The following ZNF701 variants were observed in gnomAD, a reference collection of about 807,000 sequenced individuals.
ZNF701 encodes the protein zinc finger protein 701.
In ZNF701, 6 loss-of-function variants were observed where a neutral mutation model predicts 7.1. The ratio of observed to expected loss-of-function variants is 0.84; its 90% confidence interval spans 0.46 to 1.66. The LOEUF (loss-of-function observed/expected upper bound fraction) is 1.66. Ranked by LOEUF, ZNF701 falls within the 40% of genes most tolerant of loss-of-function variation. The pLI, the probability that ZNF701 is intolerant of heterozygous loss-of-function variation, is 0.01. For missense variants in ZNF701, 541 were observed against 559.2 expected, an observed-to-expected ratio of 0.97 and a Z score of 0.33; for synonymous variants, 166 against 188.2, an observed-to-expected ratio of 0.88 and a Z score of 0.97.
At chr19:52,598,236 G>T in the ZNF701 span, 1 of 152,334 alleles carries the variant, frequency 6.6e-6, no homozygotes, top group Admixed American at 6.5e-5. Context: ...GAGCCACCGC[G>T]CCCGGCCCCT....
At chr19:52,574,727 T>G (rs1353247086) in intron 2 of ZNF701, among the ~76,000 whole-genome samples, 1 of 152,196 alleles carries the variant, frequency 6.6e-6, no homozygotes, top group Non-Finnish European at 1.5e-5. Context: ...CATCCTTATT[T>G]AAAGAATATG....
Position 52,582,378 on chromosome 19 carries a change from A to G in ZNF701, c.319A>G (p.Asn107Asp), listed in dbSNP as rs548227610. 3 of 1,613,838 alleles carry G rather than the reference A, an allele frequency of 1.9e-6. No individual in the cohort carries two copies. The highest frequency in any genetic ancestry group is 2.2e-5 in the East Asian group (1 of 44,884). The part of the protein sequence containing the change: ...FVFQWQENET[N>D]GHEALMTKTK... ...GTTTCAGTGGCAAGAAAATGAAACA[A>G]ATGGCCATGAAGCACTCATGACAAA... Residue 107 changes from asparagine (N) to aspartate (D), a missense_variant, in exon 4 of 4, where the codon AAT becomes GAT. Transcript: ENST00000391785.
intron 2 of ZNF701, among the ~76,000 whole-genome samples, chr19:52,575,443 TA>T (rs1189225096): frequency 1.4e-5 from 2 of 141,550 alleles, no homozygotes; most frequent in African/African-American, 3.0e-5. Flanking sequence ...GTGTAGGTTT[TA>T]TTTTTTTTTT....
In ZNF701 at chr19:52,582,826, G is replaced by A. The variant is rs754915892; in HGVS notation, c.767G>A (p.Arg256Gln). The change falls in exon 4 of 4, where the codon CGA becomes CAA. Residue 256 changes from arginine to glutamine, a missense_variant. Arg to Gln is a conservative substitution (Grantham distance 43). Transcript: ENST00000391785. ...TGCGGCAAGGACTTTCATCAGAAGC[G>A]ATACCTTGCATGCCATAGATGTCAC... Reference protein sequence around the residue: ...DVCGKDFHQKRYLACHRCHTG... With the variant: ...DVCGKDFHQKQYLACHRCHTG... 1.1e-5 allele frequency: 18 copies of A among 1,614,130 alleles called. No individual in the cohort carries two copies. Among genetic ancestry groups the A allele is most frequent in the Admixed American group, 3.3e-5 (2 of 60,002 alleles).
the ZNF701 span, chr19:52,597,096 A>C: frequency 9.0e-7 from 1 of 1,114,744 alleles, no homozygotes; most frequent in Non-Finnish European, 1.3e-6. Context: ...TTACAAGTGT[A>C]ATAAATGTGG....
At chr19:52,595,197 C>T in the ZNF701 span, among the ~76,000 whole-genome samples, 2 of 151,748 alleles carry the variant, frequency 1.3e-5, no homozygotes, top group Non-Finnish European at 2.9e-5. Flanking sequence ...TTGAAGATCA[C>T]TTTTGGGACG....
the ZNF701 span, chr19:52,597,798 A>T: frequency 2.4e-3 from 444 of 184,256 alleles, 4 homozygotes; most frequent in African/African-American, 9.9e-3. Flanking sequence ...TTTGAAGGGC[A>T]GGGTCTCGAG....
chr19:52,572,665 C>A, intron 1 of ZNF701: 1 of 350,416 alleles, frequency 2.9e-6, no homozygotes, highest in Non-Finnish European at 5.5e-6. Flanking sequence ...ACAGCTAAAT[C>A]TAAAGCAGAT....
In ZNF701 at chr19:52,583,296, A is replaced by G. The variant is rs765592872; in HGVS notation, c.1237A>G (p.Asn413Asp). The G allele has an allele frequency of 3.1e-6, 5 of 1,613,874 alleles. No individual in the cohort carries two copies. Among genetic ancestry groups the G allele is most frequent in the Admixed American group, 3.3e-5 (2 of 60,008 alleles). The change falls in exon 4 of 4, where the codon AAT (asparagine) becomes GAT (aspartate). Residue 413 changes from asparagine (N) to aspartate (D), a missense_variant. Transcript: ENST00000391785. ...TACTGGAGAGAAACGTTACAAGTGT[A>G]ATGAATGTGGCAAGGTTTTTAATCA... Reference protein sequence around the residue: ...IHTGEKRYKCNECGKVFNHKS... With the variant: ...IHTGEKRYKCDECGKVFNHKS...
At chr19:52,578,948 C>T (rs919136566) in intron 3 of ZNF701, among the ~76,000 whole-genome samples, 3 of 150,128 alleles carry the variant, frequency 2.0e-5, no homozygotes, top group East Asian at 2.0e-4. Context: ...TTATTAGAGA[C>T]AGGGTTTCAC....
chr19:52,594,688 T>A, the ZNF701 span, among the ~76,000 whole-genome samples: 215 of 152,122 alleles, frequency 1.4e-3, no homozygotes, highest in Non-Finnish European at 2.4e-3. Flanking sequence ...TATTTCTGTA[T>A]TTTTAATAGA....
At chr19:52,578,812 C>T (rs867502550) in intron 3 of ZNF701, among the ~76,000 whole-genome samples, 45 of 152,284 alleles carry the variant, frequency 3.0e-4, no homozygotes, top group South Asian at 2.1e-4. Context: ...GGCTGGAGTG[C>T]AGTGGTGCGA....
At chr19:52,571,400 A>G (rs925815608) in intron 1 of ZNF701, among the ~76,000 whole-genome samples, 4 of 152,244 alleles carry the variant, frequency 2.6e-5, no homozygotes, top group South Asian at 2.1e-4. Context: ...AGAATTTAAC[A>G]GGGAGAGCGG....
the ZNF701 span, among the ~76,000 whole-genome samples, chr19:52,593,785 A>T: frequency 9.4e-3 from 1,018 of 108,336 alleles, 269 homozygotes; most frequent in African/African-American, 0.034. Context: ...GGTGCTCCCC[A>T]CATCTCAGAC....
Position 52,583,476 on chromosome 19 carries a change from T to C in ZNF701, c.*19T>C. The C allele has an allele frequency of 6.2e-7, 1 of 1,608,886 alleles. No individual in the cohort carries two copies. The highest frequency in any genetic ancestry group is 8.5e-7 in the Non-Finnish European group (1 of 1,176,998). ...ATCTTAGAAGTGTAAATTTGCAAGGTTTTTAGGCAACAGTCAAACCTTGCA... is the reference window on the plus strand; with the variant it reads ...ATCTTAGAAGTGTAAATTTGCAAGGCTTTTAGGCAACAGTCAAACCTTGCA... On this transcript the variant is annotated 3_prime_UTR_variant, in exon 4 of 4. Coordinates refer to ENST00000391785, the MANE Select transcript of ZNF701 (RefSeq NM_018260.3).
At chr19:52,588,760 C>A, downstream of ZNF701, 1 of 173,796 alleles carries the variant, frequency 5.8e-6, no homozygotes. Flanking sequence ...TCCCTCTCAT[C>A]TTAAATTCCA....
chr19:52,583,671 C>G lies in ZNF701; in HGVS notation c.*214C>G. 1 of 977,710 alleles carries G rather than the reference C, an allele frequency of 1.0e-6. No individual in the cohort carries two copies. The highest frequency in any genetic ancestry group is 1.7e-6 in the Non-Finnish European group (1 of 604,816). 60.6% of individuals were successfully genotyped at this position (977,710 alleles called of 1,614,324 possible). A position where few individuals can be genotyped will look rare whatever the true frequency, so the allele number is the denominator to read the frequency against. ...TTTCGGGTGTGATTCACACCTGGCC[C>G]AACATACTGGAATTCACACTGGAAA... is the stretch of plus-strand genomic sequence containing the variant. On this transcript the variant is annotated 3_prime_UTR_variant, in exon 4 of 4. Transcript: ENST00000391785.
downstream of ZNF701, among the ~76,000 whole-genome samples, chr19:52,590,394 C>G (rs2060032573): frequency 1.3e-5 from 2 of 152,146 alleles, no homozygotes; most frequent in South Asian, 2.1e-4. Context: ...CCAGTCCCCT[C>G]TTCACTAATT....
intron 3 of ZNF701, among the ~76,000 whole-genome samples, chr19:52,578,211 A>G (rs972837838): frequency 1.5e-5 from 2 of 134,860 alleles, no homozygotes; most frequent in Non-Finnish European, 3.1e-5. Context: ...CCGAGATCGC[A>G]CCACTGCACT....
Sources: allele counts gnomAD v4.1 joint callset (sites outside exome capture counted in the v4.1 genomes callset), GRCh38; gene constraint gnomAD v4.1.1; transcripts MANE v1.5; gene names NCBI Gene and HGNC (gene_info 2026-07-23, HGNC 2026-07-21).